The following ZCCHC14 variants were observed in gnomAD, a reference collection of about 807,000 sequenced individuals.
ZCCHC14 encodes zinc finger CCHC domain-containing protein 14.
ZCCHC14 carries 16 observed loss-of-function variants against 85.0 expected under a neutral mutation model. The observed-to-expected ratio is 0.19, with a 90% confidence interval of 0.13 to 0.29. ZCCHC14 has a LOEUF of 0.29. Among genes scored for constraint, ZCCHC14 ranks in the 10% least tolerant of loss-of-function variants. ZCCHC14 has a pLI of 1.00. For synonymous variants in ZCCHC14, 775 were observed against 630.7 expected (o/e 1.23, Z -3.43); for missense variants, 1,303 against 1,443.5 (o/e 0.90, Z 1.58).
intron 2 of ZCCHC14, among the ~76,000 whole-genome samples, chr16:87,441,166 G>C (rs1158278957): frequency 6.6e-6 from 1 of 151,850 alleles, no homozygotes; most frequent in Non-Finnish European, 1.5e-5. Context: ...CTAATTTTTT[G>C]TATTTTTAGT....
At chr16:87,454,354 G>C (rs117584329) in intron 2 of ZCCHC14, among the ~76,000 whole-genome samples, 2,468 of 152,266 alleles carry the variant, frequency 0.016, 25 homozygotes, top group Middle Eastern at 0.048. Flanking sequence ...GCACATCACA[G>C]ACAAACCATT....
rs1320901504 is a variant in ZCCHC14, at chr16:87,412,234, T to G, written c.2487A>C (p.Pro829=). The change falls in exon 12 of 13, where the codon CCA becomes CCC. Residue 829 remains proline, a synonymous_variant. Coordinates refer to ENST00000671377, the MANE Select transcript of ZCCHC14 (RefSeq NM_015144.3). ...AGAAGCCACCCTGCAGGGGGCCCACTGGCATACTGCTCATTGCAGAAAAGG... is the reference window on the plus strand; with the variant it reads ...AGAAGCCACCCTGCAGGGGGCCCACGGGCATACTGCTCATTGCAGAAAAGG... ...KVAFSAMSSM[P]VGPLQGGFCA... The G allele has an allele frequency of 1.9e-6, 3 of 1,612,392 alleles. No individual in the cohort carries two copies. Among genetic ancestry groups the G allele is most frequent in the Non-Finnish European group, 2.5e-6 (3 of 1,178,782 alleles).
chr16:87,456,305 C>A (rs184676558), intron 2 of ZCCHC14, among the ~76,000 whole-genome samples: 1 of 151,978 alleles, frequency 6.6e-6, no homozygotes, highest in East Asian at 1.9e-4. Flanking sequence ...CCGAGGCGGG[C>A]GGATCACGAG....
rs1041369091 is a variant in ZCCHC14, at chr16:87,412,621, C to G, written c.2100G>C (p.Leu700=). Residue 700 remains leucine (L), a synonymous_variant, in exon 12 of 13, where the codon CTG becomes CTC. Transcript: ENST00000671377. ...CAGGCTGGTGGGGTGCGGACGCGGG[C>G]AGCACGTCCATCATGGCGCTGCCAA... The part of the protein sequence containing the change: ...KSFGSAMMDV[L]PASAPHQPVQ... The G allele has an allele frequency of 6.2e-7, 1 of 1,614,196 alleles. No individual in the cohort carries two copies. Among genetic ancestry groups the G allele is most frequent in the Non-Finnish European group, 8.5e-7 (1 of 1,180,038 alleles).
At chr16:87,489,984 T>C (rs1254918348) in intron 1 of ZCCHC14, among the ~76,000 whole-genome samples, 2 of 152,184 alleles carry the variant, frequency 1.3e-5, no homozygotes, top group Non-Finnish European at 2.9e-5. Context: ...TGAGATTCCA[T>C]GAATAGGTGA....
intron 2 of ZCCHC14, among the ~76,000 whole-genome samples, chr16:87,433,805 G>C (rs557019514): frequency 2.6e-5 from 4 of 151,946 alleles, no homozygotes; most frequent in Non-Finnish European, 5.9e-5. Context: ...CACCGTGCCT[G>C]GCTGATTTTT....
chr16:87,486,728 G>A (rs976560487), intron 1 of ZCCHC14, among the ~76,000 whole-genome samples: 3 of 152,206 alleles, frequency 2.0e-5, no homozygotes, highest in African/African-American at 7.2e-5. Context: ...CTCCTGTAAT[G>A]TAACAACAAC....
intron 2 of ZCCHC14, among the ~76,000 whole-genome samples, chr16:87,445,994 AT>A (rs1158092152): frequency 6.6e-6 from 1 of 151,980 alleles, no homozygotes; most frequent in Non-Finnish European, 1.5e-5. Flanking sequence ...CATCGACAGT[AT>A]TTTTCTTAAA....
At chr16:87,441,403 T>A (rs1304325211) in intron 2 of ZCCHC14, among the ~76,000 whole-genome samples, 1 of 152,244 alleles carries the variant, frequency 6.6e-6, no homozygotes, top group Admixed American at 6.5e-5. Flanking sequence ...GAAGTATTTA[T>A]GTACAAAAAT....
In ZCCHC14 at chr16:87,412,430, C is replaced by T; in HGVS notation, c.2291G>A (p.Ser764Asn). ...CGGACGGGCGGCGTGGAGGACTGTGCTGGGCGTCCCCGTGGCGGCCGTGCT... is the reference window on the plus strand; with the variant it reads ...CGGACGGGCGGCGTGGAGGACTGTGTTGGGCGTCCCCGTGGCGGCCGTGCT... ...ETSTAATGTP[S>N]TVLHAARPPI... Residue 764 changes from serine (S) to asparagine (N), a missense_variant, in exon 12 of 13, where the codon AGC becomes AAC. Around this residue, in one of 7 missense-constraint regions of ZCCHC14, gnomAD observed 797 missense variants for 730.8 expected, o/e 1.09. Transcript: ENST00000671377. 1 of 1,614,042 alleles carries T rather than the reference C, an allele frequency of 6.2e-7. No homozygotes were observed. The highest frequency in any genetic ancestry group is 1.1e-5 in the South Asian group (1 of 91,078).
chr16:87,491,645 G>T lies in ZCCHC14; in HGVS notation c.570+24C>A. The T allele has an allele frequency of 7.2e-7, 1 of 1,390,418 alleles. No homozygotes were observed. The allele number at this position is 1,390,418 out of a possible 1,614,324, so 86.1% of individuals were successfully genotyped here. ...TGGGGATGCAGACTTGGGGTACAGG[G>T]CAGAGCTCGGGGCGGGCACGCACCT... On this transcript the variant is annotated intron_variant, in intron 1 of 12. Coordinates refer to ENST00000671377, the MANE Select transcript of ZCCHC14 (RefSeq NM_015144.3). This position sits in a 1 kb window ranked among gnomAD's most constrained non-coding sequence, Gnocchi z 5.9.
At chr16:87,450,422 A>C (rs8049965) in intron 2 of ZCCHC14, among the ~76,000 whole-genome samples, 152,255 of 152,334 alleles carry the variant, frequency 1, 76,088 homozygotes, top group Middle Eastern at 1. Flanking sequence ...TAGGACATGC[A>C]ATGTTATACT....
chr16:87,435,553 C>T (rs1236923223), intron 2 of ZCCHC14, among the ~76,000 whole-genome samples: 1 of 152,246 alleles, frequency 6.6e-6, no homozygotes, highest in African/African-American at 2.4e-5. Flanking sequence ...ATGAGCCAGC[C>T]AACCCTGCGC....
At chr16:87,466,110 G>A (rs370875010) in intron 1 of ZCCHC14, among the ~76,000 whole-genome samples, 20 of 150,446 alleles carry the variant, frequency 1.3e-4, no homozygotes, top group African/African-American at 4.7e-4. Context: ...ACTACCCCCC[G>A]CCTCAGGTAT....
intron 1 of ZCCHC14, among the ~76,000 whole-genome samples, chr16:87,466,784 G>T (rs1207722219): frequency 1.3e-5 from 2 of 152,174 alleles, no homozygotes; most frequent in African/African-American, 4.8e-5. Context: ...CATAAAGGCA[G>T]GGAATGCTCA....
intron 3 of ZCCHC14, 115 bp from the exon 4 acceptor site, chr16:87,423,996 C>T (rs1909239336): frequency 4.7e-6 from 5 of 1,055,354 alleles, no homozygotes; most frequent in Admixed American, 4.7e-5. Flanking sequence ...CCCAGTGGGC[C>T]GTGCACCTGC....
Position 87,417,605 on chromosome 16 carries a change from G to A in ZCCHC14, c.1238C>T (p.Thr413Ile). Reference sequence around the variant, plus strand: ...GATGGCAGGTGATGTGTCCATCTGGGTCCGGTAGGCCAGGGCTGAGCCCGC... The same window carrying A: ...GATGGCAGGTGATGTGTCCATCTGGATCCGGTAGGCCAGGGCTGAGCCCGC... ...GSAGSALAYR[T>I]QMDTSPAILM... Residue 413 changes from threonine to isoleucine, a missense_variant, in exon 8 of 13, where the codon ACC becomes ATC. Physicochemically the swap from Thr to Ile is moderately conservative, Grantham distance 89. Transcript: ENST00000671377. 1 of 1,614,242 alleles carries A rather than the reference G, an allele frequency of 6.2e-7. No homozygotes were observed. The highest frequency in any genetic ancestry group is 8.5e-7 in the Non-Finnish European group (1 of 1,180,040).
At chr16:87,410,410 T>C (rs1908378128) in intron 12 of ZCCHC14, 75 bp from the exon 13 acceptor site, 2 of 662,700 alleles carry the variant, frequency 3.0e-6, no homozygotes, top group East Asian at 5.6e-5. Flanking sequence ...TGTCCAGTCA[T>C]GTCCAGAGCC....
chr16:87,412,463 A>G lies in ZCCHC14; in HGVS notation c.2258T>C (p.Val753Ala), dbSNP rs1435528241. Residue 753 changes from valine to alanine, a missense_variant, in exon 12 of 13, where the codon GTG becomes GCG. Physicochemically the swap from Val to Ala is moderately conservative, Grantham distance 64. Transcript: ENST00000671377. Reference protein sequence around the residue: ...LKTAQQPALVVETSTAATGTP... With the variant: ...LKTAQQPALVAETSTAATGTP... The stretch of plus-strand genomic sequence containing the variant: ...CCCCGTGGCGGCCGTGCTGGTCTCC[A>G]CGACCAGGGCCGGTTGCTGTGCTGT... 6.2e-7 allele frequency: 1 copy of G among 1,613,930 alleles called. No individual in the cohort carries two copies. Among genetic ancestry groups the G allele is most frequent in the Admixed American group, 1.7e-5 (1 of 60,028 alleles).
Sources: allele counts gnomAD v4.1 joint callset (sites outside exome capture counted in the v4.1 genomes callset), GRCh38; gene constraint gnomAD v4.1.1; regional missense constraint gnomAD v4.1.1; non-coding constraint Gnocchi (gnomAD v3.1); transcripts MANE v1.5; gene names NCBI Gene and HGNC (gene_info 2026-07-23, HGNC 2026-07-21).